Variants in PRKDC observed in about 807,000 individuals in gnomAD.
PRKDC encodes DNA-dependent protein kinase catalytic subunit.
A neutral mutation model predicts 486.9 loss-of-function variants in PRKDC; 82 were observed. The ratio of observed to expected loss-of-function variants is 0.17; its 90% CI spans 0.14 to 0.20. The LOEUF (loss-of-function observed/expected upper bound fraction) is 0.20, where lower values mean the gene tolerates loss of function less well. PRKDC is among the 10% of genes least tolerant of loss of function. The pLI is 1.00. For missense variants in PRKDC, 4,504 were observed against 5,038.2 expected, an observed-to-expected ratio of 0.89 and a Z score of 3.21; for synonymous variants, 1,895 against 1,837.0, an observed-to-expected ratio of 1.03 and a Z score of -0.81.
At chr8:47,794,538 C>CTTTT (rs1394746281) in intron 73 of PRKDC, 37 bp from the exon 74 acceptor site, 17 of 1,448,130 alleles carry the variant, frequency 1.2e-5, no homozygotes, top group Admixed American at 2.0e-5. Flanking sequence ...CTGAGTAAAA[C>CTTTT]ATCTCACATC....
Position 47,945,237 on chromosome 8 carries a change from T to C in PRKDC, c.722-1208A>G, listed in dbSNP as rs1391220243. Reference sequence around the variant, plus strand: ...CTCCCTGTAGAAGCATGGTCTTGTATCTGTTTTTTTCAATGTGGTAAAACA... The same window carrying C: ...CTCCCTGTAGAAGCATGGTCTTGTACCTGTTTTTTTCAATGTGGTAAAACA... On this transcript the variant is annotated intron_variant, in intron 7 of 85. Coordinates refer to ENST00000314191, the MANE Select transcript of PRKDC (RefSeq NM_006904.7). Among the ~76,000 whole-genome samples, 7 of 152,322 alleles carry C rather than the reference T, an allele frequency of 4.6e-5. No homozygotes were observed. The South Asian group carries it at 1.0e-3, about 23-fold the overall frequency.
intron 50 of PRKDC, 142 bp from the exon 51 acceptor site, chr8:47,854,356 G>A (rs1001534443): frequency 3.2e-6 from 3 of 945,734 alleles, no homozygotes; most frequent in African/African-American, 1.7e-5. Context: ...CTGAGACGGA[G>A]TCTTGGAGTC....
At chr8:47,859,578 A>G in intron 46 of PRKDC, 33 bp downstream of exon 46, 1 of 1,602,336 alleles carries the variant, frequency 6.2e-7, no homozygotes, top group African/African-American at 1.3e-5. Flanking sequence ...ACAAACATCG[A>G]CAATATTCTT....
At chr8:47,923,331 G>GT (rs1451417083) in intron 21 of PRKDC, among the ~76,000 whole-genome samples, 4 of 152,096 alleles carry the variant, frequency 2.6e-5, no homozygotes, top group African/African-American at 9.7e-5. Flanking sequence ...GATTACAGGC[G>GT]TGAGCCACTG....
intron 4 of PRKDC, 26 bp from the exon 5 acceptor site, chr8:47,954,472 A>G: frequency 1.1e-6 from 1 of 949,054 alleles, no homozygotes; most frequent in Non-Finnish European, 1.5e-6. Flanking sequence ...TTAGTACATC[A>G]ATGTAGTGCG....
At chr8:47,946,275 G>T (rs1296275437) in intron 7 of PRKDC, among the ~76,000 whole-genome samples, 2 of 151,928 alleles carry the variant, frequency 1.3e-5, no homozygotes, top group Non-Finnish European at 1.5e-5. Context: ...AGGCTGCAGT[G>T]AGCCAAGATC....
intron 23 of PRKDC, among the ~76,000 whole-genome samples, chr8:47,915,003 CATA>C (rs961027329): frequency 7.9e-5 from 12 of 152,034 alleles, no homozygotes; most frequent in Non-Finnish European, 1.5e-4. Context: ...CTAAAAATAT[CATA>C]ATATTAACAA....
In PRKDC at chr8:47,839,182, T is replaced by C. The variant is rs777503592; in HGVS notation, c.7519A>G (p.Ile2507Val). The C allele has an allele frequency of 6.2e-7, 1 of 1,613,872 alleles. No homozygotes were observed. Among genetic ancestry groups the C allele is most frequent in the Non-Finnish European group, 8.5e-7 (1 of 1,179,784 alleles). ...EIFKLAKDVL[I>V]QGLIDENPGL... ...GGGTTCTCATCGATCAATCCTTGAATCAGCACATCTTTTGCCAACTTAAAT... is the reference window on the plus strand; with the variant it reads ...GGGTTCTCATCGATCAATCCTTGAACCAGCACATCTTTTGCCAACTTAAAT... Residue 2507 changes from isoleucine to valine, a missense_variant, in exon 56 of 86, where the codon ATT becomes GTT. Ile to Val is a conservative substitution (Grantham distance 29). Around this residue, in one of 6 missense-constraint regions of PRKDC, gnomAD observed 1,592 missense variants for 1,724.6 expected, o/e 0.92. Coordinates refer to ENST00000314191, the MANE Select transcript of PRKDC (RefSeq NM_006904.7).
At chr8:47,841,060 C>G (rs1306979783) in intron 54 of PRKDC, among the ~76,000 whole-genome samples, 1 of 152,196 alleles carries the variant, frequency 6.6e-6, no homozygotes, top group Non-Finnish European at 1.5e-5. Flanking sequence ...GTGCCAGGAC[C>G]TGGCCCTAAT....
At chr8:47,919,350 T>C (rs2090036985) in intron 21 of PRKDC, among the ~76,000 whole-genome samples, 1 of 152,266 alleles carries the variant, frequency 6.6e-6, no homozygotes, top group South Asian at 2.1e-4. Flanking sequence ...ATTTGTCTAA[T>C]GTTTTCTCAT....
At position 47,887,723 on chromosome 8, in the gene PRKDC, C is replaced by T. The variant is rs753402429; in HGVS notation, c.4414-18G>A. 1.0e-5 allele frequency: 16 copies of T among 1,584,580 alleles called. No individual in the cohort carries two copies. The highest frequency in any genetic ancestry group is 3.4e-6 in the Non-Finnish European group (4 of 1,168,170). On this transcript the variant is annotated intron_variant, in intron 34 of 85. Transcript: ENST00000314191. The stretch of plus-strand genomic sequence containing the variant: ...TCTGTGGACTAAAAGGAAGCCAACA[C>T]TGAAATGCCTAGCAAAAAGATATTT...
chr8:47,936,557 CA>C, intron 11 of PRKDC, 40 bp from the exon 12 acceptor site: 1 of 1,603,662 alleles, frequency 6.2e-7, no homozygotes, highest in African/African-American at 1.3e-5. Context: ...TCAATCTTAT[CA>C]AGATCAAAAT....
rs2090339325 is a variant in PRKDC, at chr8:47,935,763, C to T, written c.1416G>A (p.Gly472=). 1 of 1,613,690 alleles carries T rather than the reference C, an allele frequency of 6.2e-7. No individual in the cohort carries two copies. The highest frequency in any genetic ancestry group is 1.1e-5 in the South Asian group (1 of 91,074). ...TACTAATGCAATTCCTGAGAACTGG[C>T]CCTTTTGCTGCCAAAGCTAGGAACA... ...VKVFLALAAK[G]PVLRNCISTV... is the part of the protein sequence containing the mutation. Residue 472 remains glycine (G), a synonymous_variant, in exon 13 of 86, where the codon GGG becomes GGA. Coordinates refer to ENST00000314191, the MANE Select transcript of PRKDC (RefSeq NM_006904.7).
chr8:47,787,408 T>C (rs566417386), intron 76 of PRKDC, among the ~76,000 whole-genome samples: 25 of 152,366 alleles, frequency 1.6e-4, no homozygotes, highest in Admixed American at 2.6e-4. Context: ...TTTCCAAACA[T>C]AATCAGCATC....
chr8:47,957,622 TA>T (rs35867206), intron 1 of PRKDC, among the ~76,000 whole-genome samples, 191 bp from the exon 2 acceptor site: 1 of 94,138 alleles, frequency 1.1e-5, no homozygotes, highest in Admixed American at 9.3e-5. Flanking sequence ...GCCATTCTCC[TA>T]TCTCAGCCTC....
At chr8:47,950,560 G>C (rs927120000) in intron 7 of PRKDC, among the ~76,000 whole-genome samples, 22 of 150,730 alleles carry the variant, frequency 1.5e-4, no homozygotes, top group African/African-American at 5.4e-4. Flanking sequence ...ACCCGGAAGG[G>C]GGAGCTTGCA....
At chr8:47,932,900 T>G (rs2090280576) in intron 16 of PRKDC, 120 bp downstream of exon 16, 1 of 872,078 alleles carries the variant, frequency 1.1e-6, no homozygotes, top group Non-Finnish European at 1.7e-6. Context: ...ATAATAATCC[T>G]GAAGAACCAA....
chr8:47,910,972 T>C (rs2089890710), intron 25 of PRKDC, among the ~76,000 whole-genome samples: 1 of 152,228 alleles, frequency 6.6e-6, no homozygotes, highest in Non-Finnish European at 1.5e-5. Flanking sequence ...CATCAGCTTT[T>C]TCCTTTATTA....
intron 61 of PRKDC, 123 bp downstream of exon 61, chr8:47,830,482 G>C (rs910366370): frequency 2.2e-6 from 3 of 1,358,830 alleles, no homozygotes; most frequent in South Asian, 2.9e-5. Flanking sequence ...CCACCGTTGA[G>C]GACAAACCAA....
Sources: allele counts gnomAD v4.1 joint callset (sites outside exome capture counted in the v4.1 genomes callset), GRCh38; gene constraint gnomAD v4.1.1; regional missense constraint gnomAD v4.1.1; transcripts MANE v1.5; gene names NCBI Gene and HGNC (gene_info 2026-07-23, HGNC 2026-07-21).